The following MCTP2 variants were observed in gnomAD, a reference collection of about 807,000 sequenced individuals.
MCTP2 encodes multiple C2 and transmembrane domain containing 2, also known as multiple C2 and transmembrane domain-containing protein 2.
MCTP2 carries 132 observed loss-of-function variants against 111.6 expected under a neutral mutation model. The observed-to-expected ratio is 1.18, with a 90% CI of 1.03 to 1.37. MCTP2 has a LOEUF of 1.37. Ranked by LOEUF, MCTP2 falls within the 40% of genes most tolerant of loss-of-function variation. The probability of loss-of-function intolerance (pLI) is 0.00; values close to 1 mark genes in which losing one functional copy is unlikely to be tolerated. For synonymous variants in MCTP2, 395 were observed against 387.7 expected (o/e 1.02, Z -0.22); for missense variants, 1,183 against 1,067.9 (o/e 1.11, Z -1.50).
chr15:94,301,861 A>C (rs1178443216), intron 2 of MCTP2, among the ~76,000 whole-genome samples: 1 of 149,964 alleles, frequency 6.7e-6, no homozygotes, highest in Admixed American at 6.6e-5. Flanking sequence ...AACAAAGGGA[A>C]TTCCTGCAGA....
At chr15:94,450,341 T>C (rs1555477614) in intron 19 of MCTP2, among the ~76,000 whole-genome samples, 1 of 152,278 alleles carries the variant, frequency 6.6e-6, no homozygotes, top group Non-Finnish European at 1.5e-5. Flanking sequence ...TCCATGTGTG[T>C]GTGCGTGTGT....
rs899874017 is a variant in MCTP2, at chr15:94,313,640, G to T, written c.466-642G>T. ...CACTTGAACTCAGGAGGTGGAGGTT[G>T]CAGTGAGCCGAGATCATGCCATTGC... On this transcript the variant is annotated intron_variant, in intron 2 of 22. Coordinates refer to ENST00000357742, the MANE Select transcript of MCTP2 (RefSeq NM_001385001.1). 2.0e-5 allele frequency among the ~76,000 whole-genome samples: 3 copies of T among 152,096 alleles called. No homozygotes were observed. The East Asian group carries it at 5.8e-4, about 29-fold the overall frequency.
chr15:94,302,080 T>C (rs796347784), intron 2 of MCTP2, among the ~76,000 whole-genome samples: 58 of 152,304 alleles, frequency 3.8e-4, no homozygotes, highest in African/African-American at 1.4e-3. Flanking sequence ...TAACTTACTT[T>C]GTTTTTAGCT....
At chr15:94,391,594 C>T (rs1381991962) in intron 14 of MCTP2, among the ~76,000 whole-genome samples, 4 of 152,028 alleles carry the variant, frequency 2.6e-5, no homozygotes, top group South Asian at 2.1e-4. Context: ...CCAAGTGGGG[C>T]GAAAATGGTC....
At chr15:94,474,235 A>G (rs1268047960) in intron 21 of MCTP2, among the ~76,000 whole-genome samples, 1 of 152,148 alleles carries the variant, frequency 6.6e-6, no homozygotes, top group Non-Finnish European at 1.5e-5. Context: ...CTGCATCATC[A>G]TAGTTGGCTT....
At chr15:94,470,712 A>C (rs2073852224) in intron 21 of MCTP2, among the ~76,000 whole-genome samples, 1 of 152,258 alleles carries the variant, frequency 6.6e-6, no homozygotes, top group African/African-American at 2.4e-5. Flanking sequence ...TTTGCTAGTC[A>C]TAAATCCTCT....
chr15:94,254,663 T>C (rs767222893), intron 1 of MCTP2, among the ~76,000 whole-genome samples: 1 of 152,212 alleles, frequency 6.6e-6, no homozygotes, highest in Non-Finnish European at 1.5e-5. Flanking sequence ...TCAGTGCAAC[T>C]CAGCTATCTA....
intron 4 of MCTP2, 62 bp downstream of exon 4, chr15:94,315,699 T>G: frequency 8.5e-7 from 1 of 1,173,328 alleles, no homozygotes; most frequent in South Asian, 1.3e-5. Context: ...TGTCCTTGTA[T>G]CAATATTGTC....
At chr15:94,388,111 G>A (rs180713675) in intron 14 of MCTP2, among the ~76,000 whole-genome samples, 18 of 152,306 alleles carry the variant, frequency 1.2e-4, no homozygotes, top group Admixed American at 1.2e-3. Flanking sequence ...CATCGTGGGG[G>A]ATGGGAAACC....
chr15:94,319,039 T>G (rs2076509008), intron 4 of MCTP2, among the ~76,000 whole-genome samples: 1 of 150,664 alleles, frequency 6.6e-6, no homozygotes, highest in African/African-American at 2.5e-5. Flanking sequence ...TGTTCTTGGT[T>G]TTTTTTTTTT....
chr15:94,378,210 G>A (rs554211858), intron 12 of MCTP2, among the ~76,000 whole-genome samples: 5 of 152,134 alleles, frequency 3.3e-5, no homozygotes, highest in Admixed American at 1.3e-4. Flanking sequence ...AAGTAGCAGG[G>A]AAGTGGAGGT....
chr15:94,407,499 C>T (rs1173395578), intron 17 of MCTP2, among the ~76,000 whole-genome samples: 4 of 152,068 alleles, frequency 2.6e-5, no homozygotes, highest in East Asian at 3.9e-4. Flanking sequence ...GACTTTTTTC[C>T]GATTTTTTGA....
intron 2 of MCTP2, among the ~76,000 whole-genome samples, chr15:94,305,787 A>T (rs1308395996): frequency 6.6e-6 from 1 of 152,212 alleles, no homozygotes; most frequent in Admixed American, 6.5e-5. Flanking sequence ...GTAGGGCCCT[A>T]AAGAAAGGAG....
chr15:94,466,804 G>T (rs1030879013), intron 20 of MCTP2, among the ~76,000 whole-genome samples: 6 of 151,846 alleles, frequency 4.0e-5, no homozygotes, highest in African/African-American at 1.5e-4. Context: ...TTTCATGTCA[G>T]CCTAGTCATG....
rs116090063 is a variant in MCTP2, at chr15:94,367,444, G to T, written c.1302-161G>T. 4.0e-3 allele frequency among the ~76,000 whole-genome samples: 613 copies of T among 152,246 alleles called. 7 individuals are homozygous for T. Among genetic ancestry groups the T allele is most frequent in the African/African-American group, 0.014 (574 of 41,538 alleles). On this transcript the variant is annotated intron_variant, in intron 10 of 22. Coordinates refer to ENST00000357742, the MANE Select transcript of MCTP2 (RefSeq NM_001385001.1). The stretch of plus-strand genomic sequence containing the variant: ...AATTTTAGAGTGTGTTAGGCTGGGG[G>T]TGAGCATTATGAATTAGGGCAACCT...
At chr15:94,453,202 G>A (rs1042719348) in intron 19 of MCTP2, among the ~76,000 whole-genome samples, 5 of 152,124 alleles carry the variant, frequency 3.3e-5, no homozygotes, top group Non-Finnish European at 5.9e-5. Flanking sequence ...GGTCATTACT[G>A]GTAGCCCATG....
chr15:94,278,332 C>T (rs2074315444), intron 1 of MCTP2: 2 of 152,094 alleles, frequency 1.3e-5, no homozygotes, highest in South Asian at 4.1e-4. Context: ...TAGTCCTCAC[C>T]TATGGAAACT....
intron 17 of MCTP2, among the ~76,000 whole-genome samples, chr15:94,429,135 A>T (rs375503546): frequency 1.4e-5 from 2 of 148,112 alleles, no homozygotes. Flanking sequence ...CTATCCCCCT[A>T]CCGACGTCTA....
intron 11 of MCTP2, 93 bp downstream of exon 11, chr15:94,367,884 C>T: frequency 8.8e-7 from 1 of 1,138,974 alleles, no homozygotes; most frequent in Non-Finnish European, 1.2e-6. Context: ...AATTGAAAAA[C>T]TACATCAAAA....
Sources: allele counts gnomAD v4.1 joint callset (sites outside exome capture counted in the v4.1 genomes callset), GRCh38; gene constraint gnomAD v4.1.1; transcripts MANE v1.5; gene names NCBI Gene and HGNC (gene_info 2026-07-23, HGNC 2026-07-21).